The following GNA14 variants were observed in gnomAD, a reference collection of about 807,000 sequenced individuals.
The protein encoded by GNA14 is guanine nucleotide-binding protein subunit alpha-14.
In GNA14, 50 loss-of-function variants were observed where a neutral mutation model predicts 42.0. The ratio of observed to expected loss-of-function variants is 1.19; its 90% CI spans 0.95 to 1.51. The LOEUF is 1.51. GNA14 is among the 40% of genes most tolerant of loss of function. The pLI is 0.00. For missense variants in GNA14, 473 were observed against 446.2 expected (o/e 1.06, Z -0.54); for synonymous variants, 173 against 163.1 (o/e 1.06, Z -0.46).
intron 1 of GNA14, among the ~76,000 whole-genome samples, chr9:77,622,914 AT>A (rs397724236): frequency 2.2e-5 from 3 of 139,332 alleles, no homozygotes; most frequent in Non-Finnish European, 4.7e-5. Context: ...AAAAAGAAAA[AT>A]TTTTTTTTCA....
At chr9:77,513,964 T>A (rs1029413339) in intron 2 of GNA14, among the ~76,000 whole-genome samples, 1 of 152,134 alleles carries the variant, frequency 6.6e-6, no homozygotes, top group Admixed American at 6.6e-5. Flanking sequence ...ACTTTTTTTT[T>A]TTGGCCCTCA....
At chr9:77,603,475 T>C (rs1372712224) in intron 1 of GNA14, among the ~76,000 whole-genome samples, 3 of 152,148 alleles carry the variant, frequency 2.0e-5, no homozygotes, top group East Asian at 3.9e-4. Flanking sequence ...TGTGTAACAA[T>C]AGAAATTCTA....
chr9:77,551,639 G>C (rs1235074427), intron 1 of GNA14, among the ~76,000 whole-genome samples: 1 of 151,538 alleles, frequency 6.6e-6, no homozygotes, highest in Non-Finnish European at 1.5e-5. Context: ...CCAGCCCCTA[G>C]GAAGAAATAT....
At chr9:77,599,077 A>G (rs997312154) in intron 1 of GNA14, among the ~76,000 whole-genome samples, 6 of 152,330 alleles carry the variant, frequency 3.9e-5, no homozygotes, top group African/African-American at 1.2e-4. Flanking sequence ...ACACTCTACT[A>G]CAAGCATTCA....
At chr9:77,483,453 C>T (rs961266393) in intron 2 of GNA14, among the ~76,000 whole-genome samples, 3 of 152,084 alleles carry the variant, frequency 2.0e-5, no homozygotes, top group Admixed American at 6.6e-5. Flanking sequence ...GAGGAGTACC[C>T]GGCCGTGTGA....
intron 1 of GNA14, among the ~76,000 whole-genome samples, chr9:77,629,097 G>T (rs1175483311): frequency 6.6e-6 from 1 of 150,578 alleles, no homozygotes; most frequent in African/African-American, 2.4e-5. Flanking sequence ...ACCTCTCAAG[G>T]TATTTATGTG....
chr9:77,634,391 AAC>A (rs1185239814), intron 1 of GNA14, among the ~76,000 whole-genome samples: 1 of 150,432 alleles, frequency 6.6e-6, no homozygotes, highest in African/African-American at 2.5e-5. Context: ...CAGCCTAGGC[AAC>A]AGAGTGAGAC....
At chr9:77,470,507 AT>A (rs1836311915) in intron 2 of GNA14, among the ~76,000 whole-genome samples, 1 of 152,200 alleles carries the variant, frequency 6.6e-6, no homozygotes, top group Non-Finnish European at 1.5e-5. Flanking sequence ...CTTATAGCAG[AT>A]TGGGGTATTA....
chr9:77,476,948 C>T (rs1262456371), intron 2 of GNA14, among the ~76,000 whole-genome samples: 1 of 152,212 alleles, frequency 6.6e-6, no homozygotes, highest in Admixed American at 6.5e-5. Context: ...GCATGAGTAA[C>T]AGCTGAGTTT....
chr9:77,458,908 G>GGC (rs1554689048), intron 2 of GNA14, among the ~76,000 whole-genome samples: 1 of 147,488 alleles, frequency 6.8e-6, no homozygotes, highest in African/African-American at 2.4e-5. Context: ...AGCTGGAGGG[G>GGC]GGGGGGTTGT....
At chr9:77,477,467 G>C (rs909102598) in intron 2 of GNA14, among the ~76,000 whole-genome samples, 2 of 152,184 alleles carry the variant, frequency 1.3e-5, no homozygotes, top group African/African-American at 4.8e-5. Context: ...GTTGAAATCA[G>C]AACATTCCTC....
At chr9:77,527,716 C>G (rs1837462551) in intron 2 of GNA14, among the ~76,000 whole-genome samples, 1 of 152,182 alleles carries the variant, frequency 6.6e-6, no homozygotes, top group African/African-American at 2.4e-5. Context: ...TTACTGCAAC[C>G]TCCACCTCCC....
chr9:77,426,983 C>T (rs181820979), intron 5 of GNA14, among the ~76,000 whole-genome samples: 19 of 152,180 alleles, frequency 1.2e-4, no homozygotes, highest in Admixed American at 7.9e-4. Context: ...GGGGGAATTA[C>T]GATCTGGAAT....
chr9:77,476,493 G>A (rs970485194), intron 2 of GNA14, among the ~76,000 whole-genome samples: 3 of 152,208 alleles, frequency 2.0e-5, no homozygotes, highest in African/African-American at 7.2e-5. Flanking sequence ...CAGGAGTGTA[G>A]AGGGTCCACA....
intron 1 of GNA14, among the ~76,000 whole-genome samples, chr9:77,642,333 G>C (rs1449389849): frequency 6.6e-6 from 1 of 152,148 alleles, no homozygotes; most frequent in Non-Finnish European, 1.5e-5. Flanking sequence ...AGTGAGATTG[G>C]TTTGCTCCAG....
At chr9:77,503,311 G>A (rs1056617610) in intron 2 of GNA14, among the ~76,000 whole-genome samples, 13 of 152,076 alleles carry the variant, frequency 8.5e-5, no homozygotes, top group African/African-American at 3.1e-4. Flanking sequence ...AGTCTTTATG[G>A]GCTGATCCTC....
intron 1 of GNA14, among the ~76,000 whole-genome samples, chr9:77,603,367 G>C (rs1823597007): frequency 1.3e-5 from 2 of 152,026 alleles, no homozygotes; most frequent in African/African-American, 2.4e-5. Context: ...GGGTAAGCCT[G>C]GAACTTTGAA....
At chr9:77,628,133 C>G (rs950356590) in intron 1 of GNA14, among the ~76,000 whole-genome samples, 1 of 152,080 alleles carries the variant, frequency 6.6e-6, no homozygotes, top group Non-Finnish European at 1.5e-5. Context: ...GAGTGAACTC[C>G]CATTCACAAT....
At chr9:77,523,240 C>G (rs1342558666) in intron 2 of GNA14, among the ~76,000 whole-genome samples, 3 of 152,142 alleles carry the variant, frequency 2.0e-5, no homozygotes, top group Non-Finnish European at 2.9e-5. Flanking sequence ...GTTTAATTGG[C>G]TCATGGTTCT....
Sources: allele counts gnomAD v4.1 joint callset (sites outside exome capture counted in the v4.1 genomes callset), GRCh38; gene constraint gnomAD v4.1.1; transcripts MANE v1.5; gene names NCBI Gene and HGNC (gene_info 2026-07-23, HGNC 2026-07-21).